CCSER1: variants seen among roughly 807,000 people sequenced by gnomAD.
CCSER1 encodes coiled-coil serine rich protein 1.
In CCSER1, 41 loss-of-function variants were observed where a neutral mutation model predicts 82.0. The ratio of observed to expected loss-of-function variants is 0.50; its 90% confidence interval spans 0.39 to 0.65. The LOEUF (loss-of-function observed/expected upper bound fraction) is 0.65. CCSER1 is among the 30% of genes least tolerant of loss of function. The probability of loss-of-function intolerance (pLI) is 0.00; values close to 1 mark genes in which losing one functional copy is unlikely to be tolerated. For missense variants in CCSER1, 1,119 were observed against 1,064.2 expected, an observed-to-expected ratio of 1.05 and a Z score of -0.72; for synonymous variants, 414 against 383.9, an observed-to-expected ratio of 1.08 and a Z score of -0.92.
At chr4:90,445,846 G>T (rs1191264543) in intron 4 of CCSER1, among the ~76,000 whole-genome samples, 1 of 152,020 alleles carries the variant, frequency 6.6e-6, no homozygotes, top group Non-Finnish European at 1.5e-5. Flanking sequence ...ATCTTGACTT[G>T]ATTATGTATT....
intron 10 of CCSER1, among the ~76,000 whole-genome samples, chr4:91,471,207 G>A (rs912486457): frequency 1.6e-4 from 24 of 152,182 alleles, no homozygotes; most frequent in African/African-American, 5.1e-4. Flanking sequence ...ATGTTAAGAT[G>A]TAATGCATCA....
At chr4:90,747,807 C>A (rs546105574) in intron 7 of CCSER1, among the ~76,000 whole-genome samples, 5 of 128,054 alleles carry the variant, frequency 3.9e-5, no homozygotes, top group Non-Finnish European at 5.0e-5. Flanking sequence ...CCCCCCTCCC[C>A]CCACTCCACA....
At chr4:90,848,502 A>G (rs1392577099) in intron 8 of CCSER1, among the ~76,000 whole-genome samples, 1 of 152,212 alleles carries the variant, frequency 6.6e-6, no homozygotes, top group Non-Finnish European at 1.5e-5. Context: ...CAGTGCCTCA[A>G]ACATTCTAAA....
intron 7 of CCSER1, among the ~76,000 whole-genome samples, chr4:90,793,555 T>G: frequency 6.6e-6 from 1 of 152,186 alleles, no homozygotes; most frequent in East Asian, 1.9e-4. Context: ...TACCACATTT[T>G]TTCTATCCAG....
intron 10 of CCSER1, among the ~76,000 whole-genome samples, chr4:91,464,957 G>A (rs575855884): frequency 6.6e-6 from 1 of 152,110 alleles, no homozygotes; most frequent in Non-Finnish European, 1.5e-5. Context: ...GAGACAGAAA[G>A]TGAACAAGGA....
intron 7 of CCSER1, among the ~76,000 whole-genome samples, chr4:90,776,885 C>G (rs1342136986): frequency 6.6e-6 from 1 of 152,166 alleles, no homozygotes; most frequent in African/African-American, 2.4e-5. Flanking sequence ...TCCTATCTCA[C>G]CATCCCCAGT....
intron 9 of CCSER1, among the ~76,000 whole-genome samples, chr4:90,989,387 C>T (rs1736834583): frequency 1.3e-5 from 2 of 151,790 alleles, no homozygotes; most frequent in African/African-American, 4.8e-5. Flanking sequence ...TAATGAAACA[C>T]ATCTGGGGTA....
chr4:91,490,921 TATATATAA>T (rs1758498387), intron 10 of CCSER1, among the ~76,000 whole-genome samples: 1 of 86,434 alleles, frequency 1.2e-5, no homozygotes, highest in African/African-American at 4.4e-5. Flanking sequence ...TATATATATA[TATATATAA>T]AATATGCGTC....
chr4:91,267,838 G>C (rs766754637), intron 10 of CCSER1, among the ~76,000 whole-genome samples: 1 of 152,150 alleles, frequency 6.6e-6, no homozygotes, highest in Non-Finnish European at 1.5e-5. Context: ...GATTACTATT[G>C]TAAGTTAAAA....
At chr4:91,130,940 C>A (rs1581612171) in intron 10 of CCSER1, among the ~76,000 whole-genome samples, 3 of 151,400 alleles carry the variant, frequency 2.0e-5, no homozygotes, top group African/African-American at 2.4e-5. Flanking sequence ...AACTTTGATA[C>A]CTAGTAAAAA....
intron 8 of CCSER1, among the ~76,000 whole-genome samples, chr4:90,878,557 G>T (rs1278490873): frequency 6.6e-6 from 1 of 152,062 alleles, no homozygotes; most frequent in Non-Finnish European, 1.5e-5. Flanking sequence ...AAAGTGCATG[G>T]TCTAAAATAT....
chr4:90,460,063 A>T (rs1456363698), intron 4 of CCSER1, among the ~76,000 whole-genome samples: 2 of 151,580 alleles, frequency 1.3e-5, no homozygotes. Flanking sequence ...GCGGTGGCTC[A>T]CGCCTGTAAT....
chr4:90,228,106 T>A (rs1164655604), intron 1 of CCSER1, among the ~76,000 whole-genome samples: 1 of 152,176 alleles, frequency 6.6e-6, no homozygotes, highest in African/African-American at 2.4e-5. Context: ...AAGCTCCAAC[T>A]GGGTGGAGCC....
intron 1 of CCSER1, among the ~76,000 whole-genome samples, chr4:90,150,851 T>C (rs1360987775): frequency 6.6e-6 from 1 of 152,184 alleles, no homozygotes; most frequent in Non-Finnish European, 1.5e-5. Flanking sequence ...CAAGTAGTTA[T>C]TATTAGGTCA....
At position 90,939,444 on chromosome 4, in the gene CCSER1, C is replaced by T. The variant is rs1032802879; in HGVS notation, c.2172+15997C>T. 3.9e-5 allele frequency among the ~76,000 whole-genome samples: 6 copies of T among 152,264 alleles called. No homozygotes were observed. In the South Asian group the frequency reaches 6.2e-4, roughly 16 times the overall value. Reference sequence around the variant, plus strand: ...TGTGTGTCTCTGTCTGTTGCCTTTGCATAACAGGTCACTTTAATTATCAAG... The same window carrying T: ...TGTGTGTCTCTGTCTGTTGCCTTTGTATAACAGGTCACTTTAATTATCAAG... On this transcript the variant is annotated intron_variant, in intron 9 of 10. Coordinates refer to ENST00000509176, the MANE Select transcript of CCSER1 (RefSeq NM_001145065.2).
At chr4:90,178,421 A>G (rs1411956345) in intron 1 of CCSER1, among the ~76,000 whole-genome samples, 1 of 152,094 alleles carries the variant, frequency 6.6e-6, no homozygotes, top group Admixed American at 6.6e-5. Context: ...CAGTATTTTA[A>G]CCACATACTT....
chr4:91,246,351 T>C (rs894110449), intron 10 of CCSER1, among the ~76,000 whole-genome samples: 3 of 152,060 alleles, frequency 2.0e-5, no homozygotes, highest in Non-Finnish European at 2.9e-5. Flanking sequence ...TAGCCTCAAA[T>C]TGAGAAACGT....
chr4:90,310,763 A>G (rs935862883), intron 2 of CCSER1, among the ~76,000 whole-genome samples: 2 of 152,130 alleles, frequency 1.3e-5, no homozygotes, highest in Non-Finnish European at 2.9e-5. Flanking sequence ...GTCATGACTT[A>G]AAATATTAAA....
intron 10 of CCSER1, among the ~76,000 whole-genome samples, chr4:91,370,278 G>A (rs1749942827): frequency 6.6e-6 from 1 of 151,994 alleles, no homozygotes; most frequent in Non-Finnish European, 1.5e-5. Flanking sequence ...CAATATTCAA[G>A]GAACTATCAT....
Sources: gnomAD v4.1 joint callset for allele counts (sites outside exome capture counted in the v4.1 genomes callset) on GRCh38, gnomAD v4.1.1 for gene constraint, MANE v1.5 for transcripts, NCBI Gene and HGNC (gene_info 2026-07-23, HGNC 2026-07-21) for gene names.